Variants in GNAS observed in about 807,000 individuals in gnomAD.
GNAS encodes the protein protein ALEX.
GNAS carries 8 observed loss-of-function variants against 54.5 expected under a neutral mutation model. That is an observed-to-expected ratio of 0.15 (90% CI 0.09 to 0.26). GNAS has a LOEUF of 0.26. GNAS is among the 10% of genes least tolerant of loss of function. The probability of loss-of-function intolerance (pLI) is 1.00; values close to 1 mark genes in which losing one functional copy is unlikely to be tolerated. For synonymous variants in GNAS, 204 were observed against 191.4 expected (o/e 1.07, Z -0.54); for missense variants, 170 against 529.8 (o/e 0.32, Z 6.67).
upstream of GNAS, chr20:58,840,192 C>G (rs1346202606): frequency 1.2e-6 from 2 of 1,611,032 alleles, no homozygotes; most frequent in Non-Finnish European, 1.7e-6. The surrounding 1 kb of genome is among the most constrained non-coding windows in gnomAD (Gnocchi z 6.0). Flanking sequence ...CGCCGGGCAG[C>G]CACCGCGCTC....
At chr20:58,899,025 A>G (rs780940517) in intron 3 of GNAS, 40 bp downstream of exon 3, 35 of 1,508,428 alleles carry the variant, frequency 2.3e-5, no homozygotes, top group Non-Finnish European at 3.2e-5. Flanking sequence ...TTAACAAACC[A>G]AACAAACATG....
intron 1 of GNAS, among the ~76,000 whole-genome samples, chr20:58,878,757 A>G (rs1356869485): frequency 6.6e-6 from 1 of 152,118 alleles, no homozygotes; most frequent in Non-Finnish European, 1.5e-5. Context: ...TTTTCCCCCT[A>G]TTCCTTCTGG....
At chr20:58,903,381 TCAG>T (rs2090805503) in intron 3 of GNAS, 147 bp from the exon 4 acceptor site, 1 of 758,146 alleles carries the variant, frequency 1.3e-6, no homozygotes. Context: ...CTATGTTTAT[TCAG>T]CTACCTCCAA....
Position 58,840,880 on chromosome 20 carries a change from G to T in GNAS, c.37G>T (p.Asp13Tyr), listed in dbSNP as rs769227032. The T allele has an allele frequency of 6.2e-7, 1 of 1,612,568 alleles. No individual in the cohort carries two copies. Residue 13 changes from aspartate (D) to tyrosine (Y), a missense_variant, in exon 1 of 13, where the codon GAT becomes TAT. Transcript: ENST00000306090. The surrounding 1 kb of genome is among the most constrained non-coding windows in gnomAD (Gnocchi z 6.0). ...CGTCCAGATTCTCCTTGTTTTCATG[G>T]ATTCAGGTTAGTTGCCCACCGCTAA... is the stretch of plus-strand genomic sequence containing the variant.
intron 1 of GNAS, among the ~76,000 whole-genome samples, chr20:58,879,469 A>G (rs1469878919): frequency 6.6e-6 from 1 of 152,180 alleles, no homozygotes; most frequent in Non-Finnish European, 1.5e-5. Context: ...TCTTGACACC[A>G]AAGCATACAA....
upstream of GNAS, among the ~76,000 whole-genome samples, chr20:58,890,252 GGCC>G (rs569980417): frequency 6.6e-6 from 1 of 150,976 alleles, no homozygotes; most frequent in Admixed American, 6.6e-5. Flanking sequence ...GATGCCCCGA[GGCC>G]GCCGCCGCCG....
intron 3 of GNAS, among the ~76,000 whole-genome samples, chr20:58,901,084 C>T (rs1334595767): frequency 6.6e-6 from 1 of 152,084 alleles, no homozygotes; most frequent in Non-Finnish European, 1.5e-5. Context: ...ATTTAGTACC[C>T]GAATGTATTT....
chr20:58,893,826 A>G (rs1049423457), intron 1 of GNAS, among the ~76,000 whole-genome samples: 7 of 152,260 alleles, frequency 4.6e-5, no homozygotes, highest in Non-Finnish European at 1.0e-4. Flanking sequence ...GTGTGATGCT[A>G]ATGATATCTT....
intron 1 of GNAS, among the ~76,000 whole-genome samples, chr20:58,846,635 G>A (rs141103094): frequency 1.6e-4 from 24 of 152,332 alleles, no homozygotes; most frequent in African/African-American, 5.5e-4. Flanking sequence ...GGTCCAAGGG[G>A]CACAGGCCAA....
At chr20:58,840,137 C>A, upstream of GNAS, 3 of 1,611,460 alleles carry the variant, frequency 1.9e-6, no homozygotes, top group African/African-American at 1.3e-5. This position sits in a 1 kb window ranked among gnomAD's most constrained non-coding sequence, Gnocchi z 6.0. Context: ...TCAGCAGTGG[C>A]GCCGAGCTCG....
chr20:58,840,245 A>G, upstream of GNAS: 1 of 1,610,574 alleles, frequency 6.2e-7, no homozygotes, highest in Admixed American at 1.7e-5. This position sits in a 1 kb window ranked among gnomAD's most constrained non-coding sequence, Gnocchi z 6.0. Flanking sequence ...CGCCCTTGCC[A>G]CCTCCAACGC....
At position 58,841,789 on chromosome 20, in the gene GNAS, G is replaced by T. The variant is rs966838576; in HGVS notation, c.43+903G>T. The stretch of plus-strand genomic sequence containing the variant: ...AGCTTTTGGCGCAGCTGGTCGGGTG[G>T]CCAGGCTGCATGCGGCTTAGCAGGA... On this transcript the variant is annotated intron_variant, in intron 1 of 12. Transcript: ENST00000306090. The surrounding 1 kb of genome is among the most constrained non-coding windows in gnomAD (Gnocchi z 5.0). The T allele has an allele frequency of 2.4e-6, 3 of 1,230,552 alleles. No individual in the cohort carries two copies. The African/African-American group carries it at 4.7e-5, about 19-fold the overall frequency. The allele number at this position is 1,230,552 out of a possible 1,614,324, so 76.2% of individuals were successfully genotyped here.
intron 1 of GNAS, among the ~76,000 whole-genome samples, chr20:58,877,714 C>G (rs1271950020): frequency 6.6e-6 from 1 of 152,160 alleles, no homozygotes; most frequent in Non-Finnish European, 1.5e-5. Flanking sequence ...ACAGTCAGCT[C>G]AAGCAAGAAC....
At chr20:58,869,404 A>G (rs2087286420) in intron 1 of GNAS, among the ~76,000 whole-genome samples, 1 of 152,178 alleles carries the variant, frequency 6.6e-6, no homozygotes, top group African/African-American at 2.4e-5. Flanking sequence ...TCCTTTGGTA[A>G]ATAATTAATA....
Position 58,853,311 on chromosome 20 carries a change from C to T in GNAS, c.43+12425C>T, listed in dbSNP as rs757200947. 27 of 1,550,172 alleles carry T rather than the reference C, an allele frequency of 1.7e-5. No individual in the cohort carries two copies. In the East Asian group the frequency reaches 5.1e-4, roughly 29 times the overall value. On this transcript the variant is annotated intron_variant, in intron 1 of 12. Coordinates refer to the GNAS transcript ENST00000306090. This position sits in a 1 kb window ranked among gnomAD's most constrained non-coding sequence, Gnocchi z 4.4. ...CTACGGCAATAATATGTCAGGACAA[C>T]GCGATATCCCCCCTGAAATCGGGGA... is the stretch of plus-strand genomic sequence containing the variant.
Position 58,879,300 on chromosome 20 carries a change from C to G in GNAS, c.44-16312C>G, listed in dbSNP as rs1054194441. On this transcript the variant is annotated intron_variant, in intron 1 of 12. Transcript: ENST00000306090. ...GGGAACAATATAACCTTAAAAAGAT[C>G]CATTCTTTCACTTGTAGCTTTGCTC... 2.0e-5 allele frequency among the ~76,000 whole-genome samples: 3 copies of G among 152,180 alleles called. 1 individual carries two copies. Among genetic ancestry groups the G allele is most frequent in the South Asian group, 4.1e-4 (2 of 4,828 alleles).
chr20:58,842,253 A>G, intron 1 of GNAS: 1 of 398,444 alleles, frequency 2.5e-6, no homozygotes. Flanking sequence ...TGTCTTTAAA[A>G]AATCTCATCC....
At chr20:58,894,328 C>T (rs2145981348) in intron 1 of GNAS, among the ~76,000 whole-genome samples, 1 of 152,234 alleles carries the variant, frequency 6.6e-6, no homozygotes, top group African/African-American at 2.4e-5. Context: ...TTAATAGTGC[C>T]ATTTATATTT....
chr20:58,904,599 T>C (rs570633633), intron 5 of GNAS, among the ~76,000 whole-genome samples: 2 of 152,332 alleles, frequency 1.3e-5, no homozygotes, highest in East Asian at 3.9e-4. Flanking sequence ...GGGAAGAGAC[T>C]TGTCTACAGC....
Sources: gnomAD v4.1 joint callset for allele counts (sites outside exome capture counted in the v4.1 genomes callset) on GRCh38, gnomAD v4.1.1 for gene constraint, Gnocchi (gnomAD v3.1) non-coding constraint, MANE v1.5 for transcripts, NCBI Gene and HGNC (gene_info 2026-07-23, HGNC 2026-07-21) for gene names.